GMDS: variants seen among roughly 807,000 people sequenced by gnomAD.
GMDS encodes GDP-mannose 4,6-dehydratase, also known as GDP-mannose 4,6 dehydratase.
GMDS carries 20 observed loss-of-function variants against 49.9 expected under a neutral mutation model. The ratio of observed to expected loss-of-function variants is 0.40; its 90% CI spans 0.28 to 0.58. The LOEUF (loss-of-function observed/expected upper bound fraction) is 0.58. GMDS is among the 20% of genes least tolerant of loss of function. GMDS has a pLI of 0.42. For synonymous variants in GMDS, 177 were observed against 178.6 expected (o/e 0.99, Z 0.07); for missense variants, 362 against 481.4 (o/e 0.75, Z 2.32).
At chr6:2,058,890 A>G (rs1334518016) in intron 4 of GMDS, among the ~76,000 whole-genome samples, 1 of 152,158 alleles carries the variant, frequency 6.6e-6, no homozygotes, top group East Asian at 1.9e-4. Flanking sequence ...GACGTCCATT[A>G]AACATGTCAT....
rs568276634 is a variant in GMDS, at chr6:1,641,059, A to G, written c.988-16519T>C. Among the ~76,000 whole-genome samples, 334 of 152,300 alleles carry G rather than the reference A, an allele frequency of 2.2e-3. 2 individuals are homozygous for G. Among genetic ancestry groups the G allele is most frequent in the African/African-American group, 7.9e-3 (328 of 41,558 alleles). On this transcript the variant is annotated intron_variant, in intron 9 of 10. Coordinates refer to ENST00000380815, the MANE Select transcript of GMDS (RefSeq NM_001500.4). ...TGGCTTCCTCAGGAAAGATCCCTGT[A>G]TATATTTCTTCCTCTGGGTGCTCAT...
At chr6:1,732,195 C>T (rs766137602) in intron 8 of GMDS, among the ~76,000 whole-genome samples, 34 of 152,038 alleles carry the variant, frequency 2.2e-4, no homozygotes, top group Non-Finnish European at 4.4e-4. Context: ...GGCGTGGTGG[C>T]GGGCACCTGT....
intron 7 of GMDS, among the ~76,000 whole-genome samples, chr6:1,904,841 G>A (rs1005068346): frequency 6.6e-6 from 1 of 152,188 alleles, no homozygotes; most frequent in Non-Finnish European, 1.5e-5. Flanking sequence ...GTGGCAGAAG[G>A]AGTGCATGAG....
At chr6:1,689,293 A>G (rs1765090223) in intron 9 of GMDS, among the ~76,000 whole-genome samples, 1 of 152,194 alleles carries the variant, frequency 6.6e-6, no homozygotes. Context: ...TACTGCAAAC[A>G]TGAGTCAAGA....
chr6:1,707,861 G>GA (rs1404811464), intron 9 of GMDS, among the ~76,000 whole-genome samples: 1 of 152,200 alleles, frequency 6.6e-6, no homozygotes, highest in Admixed American at 6.5e-5. Flanking sequence ...ATGTTATTGG[G>GA]AAAATAGGCT....
intron 9 of GMDS, among the ~76,000 whole-genome samples, chr6:1,725,334 C>G (rs1000110539): frequency 1.3e-5 from 2 of 152,180 alleles, no homozygotes; most frequent in Non-Finnish European, 2.9e-5. Flanking sequence ...TTCTAACAAC[C>G]ATTTTGTAAC....
At chr6:2,209,884 G>A (rs765846207) in intron 1 of GMDS, among the ~76,000 whole-genome samples, 1 of 152,084 alleles carries the variant, frequency 6.6e-6, no homozygotes, top group Non-Finnish European at 1.5e-5. Context: ...ACACTACCAT[G>A]GCTGCCAGGC....
chr6:1,731,985 A>G (rs1027845177), intron 8 of GMDS, among the ~76,000 whole-genome samples: 4 of 152,198 alleles, frequency 2.6e-5, no homozygotes, highest in Non-Finnish European at 5.9e-5. Context: ...TAGAACAGAG[A>G]AAGAAGGCAT....
chr6:2,144,590 G>A (rs1776461749), intron 1 of GMDS, among the ~76,000 whole-genome samples: 1 of 152,204 alleles, frequency 6.6e-6, no homozygotes, highest in African/African-American at 2.4e-5. Flanking sequence ...GGGCCAGATA[G>A]AGGAGGTCTG....
chr6:1,666,235 C>T (rs998127452), intron 9 of GMDS, among the ~76,000 whole-genome samples: 3 of 152,234 alleles, frequency 2.0e-5, no homozygotes, highest in Non-Finnish European at 1.5e-5. Flanking sequence ...GAGTCCTGCT[C>T]TGCCCAGCAT....
chr6:1,641,696 C>T (rs1396498383), intron 9 of GMDS, among the ~76,000 whole-genome samples: 10 of 150,730 alleles, frequency 6.6e-5, no homozygotes, highest in Admixed American at 4.6e-4. Context: ...TCGCGTCTCT[C>T]GGATGATTTC....
chr6:1,862,647 C>T (rs1179832239), intron 7 of GMDS, among the ~76,000 whole-genome samples: 11 of 152,224 alleles, frequency 7.2e-5, no homozygotes, highest in Non-Finnish European at 1.5e-5. Flanking sequence ...TTCCCAGCTG[C>T]ATTCAGCAAT....
chr6:2,190,487 T>C (rs1204621830), intron 1 of GMDS, among the ~76,000 whole-genome samples: 1 of 152,234 alleles, frequency 6.6e-6, no homozygotes, highest in Admixed American at 6.5e-5. Context: ...GCTCAAGGTC[T>C]CACTTCTCAT....
At chr6:2,084,570 G>C (rs1054042545) in intron 4 of GMDS, among the ~76,000 whole-genome samples, 1 of 151,860 alleles carries the variant, frequency 6.6e-6, no homozygotes. Context: ...GCAGTGGCGC[G>C]ATCTTGACTC....
At chr6:1,664,364 C>A (rs1445248954) in intron 9 of GMDS, among the ~76,000 whole-genome samples, 1 of 152,226 alleles carries the variant, frequency 6.6e-6, no homozygotes, top group Non-Finnish European at 1.5e-5. Flanking sequence ...CCCCCTGGAA[C>A]CACACTGTCC....
rs1418786237 is a variant in GMDS at position 2,194,229 on chromosome 6, G to A, written c.102+51092C>T. Among the ~76,000 whole-genome samples, 8 of 152,188 alleles carry A rather than the reference G, an allele frequency of 5.3e-5. No homozygotes were observed. The South Asian group carries it at 1.0e-3, about 20-fold the overall frequency. On this transcript the variant is annotated intron_variant, in intron 1 of 10. Coordinates refer to ENST00000380815, the MANE Select transcript of GMDS (RefSeq NM_001500.4). ...AAGGTGCTTCTGTATTCTCCATTGA[G>A]TTCTTCTTGAGTTCAAGGTTAATTT...
At chr6:1,731,444 A>C (rs1561764426) in intron 8 of GMDS, among the ~76,000 whole-genome samples, 1 of 152,218 alleles carries the variant, frequency 6.6e-6, no homozygotes, top group African/African-American at 2.4e-5. Flanking sequence ...ACTGGGACCA[A>C]GAGAAGGTCT....
intron 4 of GMDS, among the ~76,000 whole-genome samples, chr6:1,977,774 G>C (rs1346218392): frequency 6.6e-6 from 1 of 152,136 alleles, no homozygotes; most frequent in East Asian, 1.9e-4. Context: ...ATCCCCTCGT[G>C]AGCCCATGCT....
chr6:2,000,428 A>C (rs1262433498), intron 4 of GMDS, among the ~76,000 whole-genome samples: 1 of 151,988 alleles, frequency 6.6e-6, no homozygotes, highest in Admixed American at 6.6e-5. Context: ...ATTCATTAGC[A>C]GTCACCTCCC....
Sources: allele counts gnomAD v4.1 joint callset (sites outside exome capture counted in the v4.1 genomes callset), GRCh38; gene constraint gnomAD v4.1.1; transcripts MANE v1.5; gene names NCBI Gene and HGNC (gene_info 2026-07-23, HGNC 2026-07-21).